The following CCHCR1 variants were observed in gnomAD, a reference collection of about 807,000 sequenced individuals.
CCHCR1 encodes coiled-coil alpha-helical rod protein 1.
Under a neutral mutation model 114.6 loss-of-function variants are expected in CCHCR1, and 91 were observed. That is an observed-to-expected ratio of 0.79 (90% CI 0.67 to 0.94). CCHCR1 has a LOEUF of 0.94. Ranked by LOEUF, CCHCR1 falls within the 40% of genes least tolerant of loss-of-function variation. The probability of loss-of-function intolerance (pLI) is 0.00; values close to 1 mark genes in which losing one functional copy is unlikely to be tolerated. For synonymous variants in CCHCR1, 379 were observed against 428.5 expected (o/e 0.88, Z 1.43); for missense variants, 899 against 1,079.9 (o/e 0.83, Z 2.35).
At chr6:31,156,593 T>G in intron 3 of CCHCR1, 138 bp downstream of exon 3, 1 of 664,228 alleles carries the variant, frequency 1.5e-6, no homozygotes, top group Non-Finnish European at 2.6e-6. Flanking sequence ...TTATTATTTA[T>G]GCACTGTAGG....
Position 31,145,426 on chromosome 6 carries a change from C to A in CCHCR1, c.1739+22G>T, listed in dbSNP as rs781555579. On this transcript the variant is annotated intron_variant, in intron 12 of 17. Transcript: ENST00000396268. ...AGCCAATGCCCTAAAGCCCCATCCACCTCAAAGTGCCCAAACTTCACCTCT... is the reference window on the plus strand; with the variant it reads ...AGCCAATGCCCTAAAGCCCCATCCAACTCAAAGTGCCCAAACTTCACCTCT... 3.7e-5 allele frequency: 59 copies of A among 1,614,160 alleles called. No homozygotes were observed. The South Asian group carries it at 6.0e-4, about 17-fold the overall frequency.
At chr6:31,155,611 A>C (rs910023679) in intron 3 of CCHCR1, among the ~76,000 whole-genome samples, 11 of 151,320 alleles carry the variant, frequency 7.3e-5, no homozygotes, top group Admixed American at 2.0e-4. Context: ...CTCAAAAAAA[A>C]GGCATTTATT....
chr6:31,145,462 C>G lies in CCHCR1; in HGVS notation c.1725G>C (p.Gln575His), dbSNP rs147733073. ...GLIARKLALA[Q>H]LRQESCPLPP... Reference sequence around the variant, plus strand: ...CCAAACTTCACCTCTCCTGGCGCAGCTGAGCAAGGGCAAGCTTTCGAGCAA... The same window carrying G: ...CCAAACTTCACCTCTCCTGGCGCAGGTGAGCAAGGGCAAGCTTTCGAGCAA... The change falls in exon 12 of 18, where the codon CAG becomes CAC. Residue 575 changes from glutamine to histidine, a missense_variant. By Grantham distance (24) the Gln-to-His change is conservative. Transcript: ENST00000396268. 1.7e-3 allele frequency: 2,764 copies of G among 1,614,160 alleles called. 74 individuals are homozygous for G. In the East Asian group the frequency reaches 0.042, roughly 24 times the overall value.
rs142126856 is a variant in CCHCR1 at position 31,151,179 on chromosome 6, G to T, written c.802-57C>A. 1.7e-5 allele frequency: 27 copies of T among 1,545,936 alleles called. No homozygotes were observed. The highest frequency in any genetic ancestry group is 2.3e-5 in the Non-Finnish European group (26 of 1,145,364). ...TCGACCCCACATGGAGGCCTTCCTT[G>T]TTCCCTTCACTCCCACTTTCTGTGA... On this transcript the variant is annotated intron_variant, in intron 4 of 17. Coordinates refer to ENST00000396268, the MANE Select transcript of CCHCR1 (RefSeq NM_001105564.2). The surrounding 1 kb of genome is among the most constrained non-coding windows in gnomAD (Gnocchi z 4.1).
Position 31,151,085 on chromosome 6 carries a change from G to C in CCHCR1, c.839C>G (p.Ser280Cys), listed in dbSNP as rs768101849. The C allele has an allele frequency of 5.0e-6, 8 of 1,612,950 alleles. No homozygotes were observed. The African/African-American group carries it at 8.0e-5, about 16-fold the overall frequency. Residue 280 changes from serine (S) to cysteine (C), a missense_variant, in exon 5 of 18, where the codon TCC becomes TGC. Coordinates refer to ENST00000396268, the MANE Select transcript of CCHCR1 (RefSeq NM_001105564.2). This position sits in a 1 kb window ranked among gnomAD's most constrained non-coding sequence, Gnocchi z 4.1. ...GCCCTCAGCCTTGCTGGTCAAACTG[G>C]AAAGAGCCTCCTCGTGAGCCTGTGT... ...SLTQAHEEALSSLTSKAEGLE... is the reference protein window; with the variant it reads ...SLTQAHEEALCSLTSKAEGLE...
chr6:31,154,911 G>A lies in CCHCR1; in HGVS notation c.498-112C>T. On this transcript the variant is annotated intron_variant, in intron 3 of 17. Coordinates refer to ENST00000396268, the MANE Select transcript of CCHCR1 (RefSeq NM_001105564.2). This position sits in a 1 kb window ranked among gnomAD's most constrained non-coding sequence, Gnocchi z 4.1. ...GAGGACCCCTCTGCTTCCGTGTGGG[G>A]AGGTGAAGGGGGTGCTGAAGCTGGG... The A allele has an allele frequency of 1.0e-6, 1 of 990,162 alleles. No individual in the cohort carries two copies. Among genetic ancestry groups the A allele is most frequent in the Admixed American group, 2.8e-5 (1 of 35,114 alleles). 61.3% of individuals were successfully genotyped at this position (990,162 alleles called of 1,614,324 possible).
rs745532357 is a variant in CCHCR1, at chr6:31,157,487, T to C, written c.114A>G (p.Pro38=). 5.0e-6 allele frequency: 8 copies of C among 1,612,964 alleles called. 1 individual carries two copies. The South Asian group carries it at 7.7e-5, about 15-fold the overall frequency. ...LDGLPSGLAE[P]WRELWRWRSR... is the part of the protein sequence containing the mutation. ...AGCGCCATCTCCAGAGTTCTCTCCA[T>C]GGCTCAGCAAGGCCTGAGGGAAGCC... is the stretch of plus-strand genomic sequence containing the variant. Residue 38 remains proline (P), a synonymous_variant, in exon 1 of 18, where the codon CCA becomes CCG. Transcript: ENST00000396268.
chr6:31,147,124 G>C (rs1273927540), intron 10 of CCHCR1, among the ~76,000 whole-genome samples: 1 of 152,014 alleles, frequency 6.6e-6, no homozygotes, highest in Non-Finnish European at 1.5e-5. Context: ...CTGCCGGCCA[G>C]GCACGGTGGC....
rs188955569 is a variant in CCHCR1 at position 31,145,205 on chromosome 6, G to A, written c.1837C>T (p.Arg613Cys). Residue 613 changes from arginine (R) to cysteine (C), a missense_variant, in exon 13 of 18, where the codon CGC (arginine) becomes TGC (cysteine). Coordinates refer to ENST00000396268, the MANE Select transcript of CCHCR1 (RefSeq NM_001105564.2). ...CGGCCCACCTCCTGCTGGATGAGGCGGGCACTCAGCTGCAGTTCTGCATCC... is the reference window on the plus strand; with the variant it reads ...CGGCCCACCTCCTGCTGGATGAGGCAGGCACTCAGCTGCAGTTCTGCATCC... ...RLDAELQLSA[R>C]LIQQEVGRAR... The A allele has an allele frequency of 4.3e-5, 69 of 1,613,240 alleles. No individual in the cohort carries two copies. The highest frequency in any genetic ancestry group is 1.6e-4 in the Middle Eastern group (1 of 6,062).
chr6:31,150,678 C>G lies in CCHCR1; in HGVS notation c.1101+47G>C. 1 of 1,603,748 alleles carries G rather than the reference C, an allele frequency of 6.2e-7. No individual in the cohort carries two copies. Among genetic ancestry groups the G allele is most frequent in the Non-Finnish European group, 8.5e-7 (1 of 1,174,670 alleles). On this transcript the variant is annotated intron_variant, in intron 6 of 17. Transcript: ENST00000396268. This position sits in a 1 kb window ranked among gnomAD's most constrained non-coding sequence, Gnocchi z 5.3. ...TCCTCCAAGGGCCACGCTTGCCTCC[C>G]AACCTGATCCCTAAGTCTGCACACA...
intron 10 of CCHCR1, among the ~76,000 whole-genome samples, chr6:31,147,242 T>C (rs1774463487): frequency 6.6e-6 from 1 of 151,718 alleles, no homozygotes; most frequent in South Asian, 2.1e-4. Flanking sequence ...CTACTAAAAA[T>C]ACAAAAAAGT....
chr6:31,157,336 G>T, intron 1 of CCHCR1, 49 bp downstream of exon 1: 1 of 1,440,180 alleles, frequency 6.9e-7, no homozygotes, highest in Non-Finnish European at 9.8e-7. Context: ...GACTGAGAGG[G>T]GCTCTGAGGC....
intron 3 of CCHCR1, chr6:31,156,120 G>A (rs1294227483): frequency 1.3e-5 from 2 of 152,378 alleles, no homozygotes; most frequent in Non-Finnish European, 2.9e-5. Flanking sequence ...GTAGGCTAGG[G>A]AAATTAAGTG....
chr6:31,156,389 C>A, intron 3 of CCHCR1: 1 of 319,516 alleles, frequency 3.1e-6, no homozygotes, highest in Non-Finnish European at 5.7e-6. Context: ...AGAATGAACC[C>A]ACACTGCCAC....
Position 31,143,106 on chromosome 6 carries a change from G to T in CCHCR1, c.2348C>A (p.Ser783Tyr). Residue 783 changes from serine to tyrosine, a missense_variant, in exon 17 of 18, where the codon TCC becomes TAC. Transcript: ENST00000396268. The surrounding 1 kb of genome is among the most constrained non-coding windows in gnomAD (Gnocchi z 5.3). ...LATLQQEGLL[S>Y]RYKQQRLLTV... is the part of the protein sequence containing the mutation. ...CAACAGTCGCTGCTGCTTGTAACGG[G>T]AGAGGAGACCTTCCTGCTGCAAGGT... 1.9e-6 allele frequency: 3 copies of T among 1,612,934 alleles called. No homozygotes were observed. The highest frequency in any genetic ancestry group is 2.5e-6 in the Non-Finnish European group (3 of 1,179,990).
At position 31,144,826 on chromosome 6, in the gene CCHCR1, C is replaced by G. The variant is rs1301910827; in HGVS notation, c.2066-38G>C. On this transcript the variant is annotated intron_variant, in intron 14 of 17. Coordinates refer to ENST00000396268, the MANE Select transcript of CCHCR1 (RefSeq NM_001105564.2). The surrounding 1 kb of genome is among the most constrained non-coding windows in gnomAD (Gnocchi z 4.6). ...TGCAGACGGGGCATATCAGCAGGAG[C>G]TTTGATTCGCAGTTCCCACCCCACC... 1.2e-6 allele frequency: 2 copies of G among 1,609,382 alleles called. No homozygotes were observed. Among genetic ancestry groups the G allele is most frequent in the South Asian group, 2.2e-5 (2 of 90,978 alleles).
chr6:31,146,523 C>T (rs770271390), intron 10 of CCHCR1, among the ~76,000 whole-genome samples: 1 of 152,118 alleles, frequency 6.6e-6, no homozygotes. Flanking sequence ...TGTCTGGGGC[C>T]GGGCTGGGGT....
At position 31,150,571 on chromosome 6, in the gene CCHCR1, G is replaced by A. The variant is rs2151031846; in HGVS notation, c.1102-6C>T. On this transcript the variant is annotated splice_polypyrimidine_tract_variant and splice_region_variant and intron_variant, in intron 6 of 17. Transcript: ENST00000396268. The surrounding 1 kb of genome is among the most constrained non-coding windows in gnomAD (Gnocchi z 5.3). ...TCCCGGTCCTCCTGCAAGTGCTGCGGGCAGAGGAAAGCAGCCCCTCTGTAG... is the reference window on the plus strand; with the variant it reads ...TCCCGGTCCTCCTGCAAGTGCTGCGAGCAGAGGAAAGCAGCCCCTCTGTAG... 3 of 1,609,020 alleles carry A rather than the reference G, an allele frequency of 1.9e-6. No homozygotes were observed. The highest frequency in any genetic ancestry group is 2.5e-6 in the Non-Finnish European group (3 of 1,178,128).
In CCHCR1 at chr6:31,142,847, A is replaced by AT. The variant is rs558042035; in HGVS notation, c.2491+115_2491+116insA. 2.9e-3 allele frequency: 4,374 copies of AT among 1,495,252 alleles called. 28 individuals carry two copies. Among genetic ancestry groups the AT allele is most frequent in the Middle Eastern group, 0.015 (62 of 4,182 alleles). The allele number at this position is 1,495,252 out of a possible 1,614,324, so 92.6% of individuals were successfully genotyped here. On this transcript the variant is annotated intron_variant, in intron 17 of 17. Transcript: ENST00000396268. ...TTGGTCCAAGCTGGGCATCGCTAAA[A>AT]GAGGCTAAGGGCCTCGAAGGACCGC...
Sources: gnomAD v4.1 joint callset for allele counts (sites outside exome capture counted in the v4.1 genomes callset) on GRCh38, gnomAD v4.1.1 for gene constraint, Gnocchi (gnomAD v3.1) non-coding constraint, MANE v1.5 for transcripts, NCBI Gene and HGNC (gene_info 2026-07-23, HGNC 2026-07-21) for gene names.